Variants in ZNF511 observed in about 807,000 individuals in gnomAD.
The protein encoded by ZNF511 is zinc finger protein 511.
In ZNF511, 26 loss-of-function variants were observed where a neutral mutation model predicts 24.8. The ratio of observed to expected loss-of-function variants is 1.05; its 90% CI spans 0.77 to 1.46. The LOEUF (loss-of-function observed/expected upper bound fraction) is 1.46, where lower values mean the gene tolerates loss of function less well. Ranked by LOEUF, ZNF511 falls within the 40% of genes most tolerant of loss-of-function variation. ZNF511 has a pLI of 0.00. For synonymous variants in ZNF511, 144 were observed against 139.6 expected (o/e 1.03, Z -0.22); for missense variants, 358 against 345.0 (o/e 1.04, Z -0.30).
chr10:133,310,319 G>A (rs1305984655), intron 4 of ZNF511, 31 bp downstream of exon 4: 1 of 1,611,862 alleles, frequency 6.2e-7, no homozygotes, highest in East Asian at 2.2e-5. Context: ...GCACGTGTCT[G>A]CTTTTGATTT....
Position 133,309,434 on chromosome 10 carries a change from G to A in ZNF511, c.198G>A (p.Met66Ile). 4 of 1,612,614 alleles carry A rather than the reference G, an allele frequency of 2.5e-6. No homozygotes were observed. Among genetic ancestry groups the A allele is most frequent in the Non-Finnish European group, 3.4e-6 (4 of 1,179,782 alleles). The change falls in exon 2 of 6, where the codon ATG becomes ATA. Residue 66 changes from methionine to isoleucine, a missense_variant. Coordinates refer to ENST00000361518, the MANE Select transcript of ZNF511 (RefSeq NM_145806.4). ...QRHLYLQDVIMQVADVPEKPR... is the reference protein window; with the variant it reads ...QRHLYLQDVIIQVADVPEKPR... The stretch of plus-strand genomic sequence containing the variant: ...ACCTCTACCTCCAGGACGTGATCAT[G>A]CAGGTGGCCGACGTGCCTGAGAAGC...
rs567026204 is a variant in ZNF511 at position 133,309,437 on chromosome 10, G to C, written c.201G>C (p.Gln67His). The C allele has an allele frequency of 6.2e-7, 1 of 1,612,634 alleles. No homozygotes were observed. The highest frequency in any genetic ancestry group is 1.7e-4 in the Middle Eastern group (1 of 6,046). Residue 67 changes from glutamine to histidine, a missense_variant, in exon 2 of 6, where the codon CAG becomes CAC. Physicochemically the swap from Gln to His is conservative, Grantham distance 24. Coordinates refer to ENST00000361518, the MANE Select transcript of ZNF511 (RefSeq NM_145806.4). ...TCTACCTCCAGGACGTGATCATGCA[G>C]GTGGCCGACGTGCCTGAGAAGCCCA... ...RHLYLQDVIM[Q>H]VADVPEKPRV...
At position 133,312,826 on chromosome 10, in the gene ZNF511, G is replaced by A. The variant is rs781561702; in HGVS notation, c.719G>A (p.Arg240Gln). The change falls in exon 6 of 6, where the codon CGA (arginine) becomes CAA (glutamine). Residue 240 changes from arginine to glutamine, a missense_variant. Transcript: ENST00000361518. ...STICFGQGAARGFKSNKKKTK... is the reference protein window; with the variant it reads ...STICFGQGAAQGFKSNKKKTK... ...ATCTGCTTTGGTCAGGGTGCCGCTC[G>A]AGGATTTAAAAGCAACAAGAAGAAA... The A allele has an allele frequency of 2.5e-5, 40 of 1,614,102 alleles. No homozygotes were observed. The highest frequency in any genetic ancestry group is 3.3e-5 in the Non-Finnish European group (39 of 1,180,056).
At chr10:133,311,530 C>T (rs1014175669) in intron 4 of ZNF511, 186 bp from the exon 5 acceptor site, 23 of 580,974 alleles carry the variant, frequency 4.0e-5, no homozygotes, top group African/African-American at 3.5e-4. Context: ...TAAACAATGG[C>T]CTTGCTGTAA....
chr10:133,310,367 G>A (rs1847963579), intron 4 of ZNF511, 79 bp downstream of exon 4: 1 of 1,574,716 alleles, frequency 6.4e-7, no homozygotes, highest in Non-Finnish European at 8.6e-7. Context: ...TGCATAGACG[G>A]TCAGACTTAT....
At chr10:133,311,630 A>T in intron 4 of ZNF511, 86 bp from the exon 5 acceptor site, 1 of 1,170,038 alleles carries the variant, frequency 8.5e-7, no homozygotes, top group Non-Finnish European at 1.2e-6. Flanking sequence ...AGGGAAATCC[A>T]GTTTCTTTCT....
At position 133,309,074 on chromosome 10, in the gene ZNF511, C is replaced by T; in HGVS notation, c.131C>T (p.Pro44Leu). The T allele has an allele frequency of 7.7e-7, 1 of 1,301,854 alleles. No individual in the cohort carries two copies. Among genetic ancestry groups the T allele is most frequent in the Non-Finnish European group, 9.8e-7 (1 of 1,020,452 alleles). The allele number at this position is 1,301,854 out of a possible 1,614,324, so 80.6% of individuals were successfully genotyped here. A position where few individuals can be genotyped will look rare whatever the true frequency, so the allele number is the denominator to read the frequency against. Residue 44 changes from proline to leucine, a missense_variant, in exon 1 of 6, where the codon CCG (proline) becomes CTG (leucine). Transcript: ENST00000361518. ...TTCGTTGCGCGCCCCGTGCGCTTCC[C>T]GCGGGAGCACCAGTTCTTCGAGGTG... Reference protein sequence around the residue: ...FRFVARPVRFPREHQFFEDGD... With the variant: ...FRFVARPVRFLREHQFFEDGD...
At position 133,312,769 on chromosome 10, in the gene ZNF511, A is replaced by T; in HGVS notation, c.681-19A>T. On this transcript the variant is annotated intron_variant, in intron 5 of 5. Coordinates refer to ENST00000361518, the MANE Select transcript of ZNF511 (RefSeq NM_145806.4). ...GGTTGGCAAATACAGCATCTAATAGAAACTTTCTTCCATCCCAGAATACCC... is the reference window on the plus strand; with the variant it reads ...GGTTGGCAAATACAGCATCTAATAGTAACTTTCTTCCATCCCAGAATACCC... 1 of 1,614,192 alleles carries T rather than the reference A, an allele frequency of 6.2e-7. No homozygotes were observed. The highest frequency in any genetic ancestry group is 8.5e-7 in the Non-Finnish European group (1 of 1,180,008).
rs559250956 is a variant in ZNF511, at chr10:133,311,163, A to G, written c.555-553A>G. ...TTTAACTGATGAGGTGAACTTTCAT[A>G]ATCATCTACAATTTTATTGATCAGA... On this transcript the variant is annotated intron_variant, in intron 4 of 5. Transcript: ENST00000361518. Among the ~76,000 whole-genome samples the G allele has an allele frequency of 5.3e-5, 8 of 152,330 alleles. No homozygotes were observed. The East Asian group carries it at 1.5e-3, about 29-fold the overall frequency.
At chr10:133,310,614 C>T (rs1006590040) in intron 4 of ZNF511, 39 of 349,960 alleles carry the variant, frequency 1.1e-4, no homozygotes, top group African/African-American at 6.9e-4. Context: ...AGCAGTCGGC[C>T]GTGGTCATCC....
intron 5 of ZNF511, chr10:133,312,162 A>ATCACCTGTGCCATCTGCGTTTCTAGCG: frequency 1.5e-6 from 2 of 1,335,908 alleles, no homozygotes; most frequent in Non-Finnish European, 2.0e-6. Flanking sequence ...CCTTAATAGC[A>ATCACCTGTGCCATCTGCGTTTCTAGCG]TCACCTGTGC....
Position 133,312,792 on chromosome 10 carries a change from C to G in ZNF511, c.685C>G (p.Pro229Ala), listed in dbSNP as rs1195704777. 1 of 1,614,250 alleles carries G rather than the reference C, an allele frequency of 6.2e-7. No individual in the cohort carries two copies. Residue 229 changes from proline (P) to alanine (A), a missense_variant, in exon 6 of 6, where the codon CCC becomes GCC. Physicochemically the swap from Pro to Ala is conservative, Grantham distance 27 (BLOSUM62 -1). Transcript: ENST00000361518. ...AGAAACTTTCTTCCATCCCAGAATA[C>G]CCTCTACCATCTGCTTTGGTCAGGG... is the stretch of plus-strand genomic sequence containing the variant. ...GERRIYRHRI[P>A]STICFGQGAA...
intron 5 of ZNF511, chr10:133,312,103 A>G: frequency 1.4e-6 from 2 of 1,447,034 alleles, no homozygotes; most frequent in East Asian, 2.5e-5. Flanking sequence ...TCTGAGTGGG[A>G]TGGAAAGAGT....
chr10:133,310,973 T>C (rs913536569), intron 4 of ZNF511, among the ~76,000 whole-genome samples: 5 of 152,186 alleles, frequency 3.3e-5, no homozygotes, highest in African/African-American at 1.2e-4. Context: ...GGCAAAATTT[T>C]CTATTTTTTG....
intron 5 of ZNF511, chr10:133,312,051 T>C (rs1848002734): frequency 2.7e-6 from 4 of 1,487,396 alleles, no homozygotes; most frequent in East Asian, 2.5e-5. Context: ...TTTGAGCCAT[T>C]GAAGCGCAGG....
Position 133,312,608 on chromosome 10 carries a change from C to T in ZNF511, c.681-180C>T, listed in dbSNP as rs1336679545. ...TGCGTTGGTGGCTGGCGGGGACCCC[C>T]CACAGGAACTAGGTCTCAGGCTGTG... is the stretch of plus-strand genomic sequence containing the variant. On this transcript the variant is annotated intron_variant, in intron 5 of 5. Transcript: ENST00000361518. 2.7e-6 allele frequency: 4 copies of T among 1,490,536 alleles called. No homozygotes were observed. In the African/African-American group the frequency reaches 5.6e-5, roughly 21 times the overall value. 92.3% of individuals were successfully genotyped at this position (1,490,536 alleles called of 1,614,324 possible). A position where few individuals can be genotyped will look rare whatever the true frequency, so the allele number is the denominator to read the frequency against.
At chr10:133,312,228 G>A (rs184130968) in intron 5 of ZNF511, 13 of 1,376,040 alleles carry the variant, frequency 9.4e-6, no homozygotes, top group African/African-American at 2.9e-5. Context: ...CACCTGTGCC[G>A]TCTGCCTTCC....
chr10:133,312,508 T>C (rs1409279558), intron 5 of ZNF511: 5 of 1,322,176 alleles, frequency 3.8e-6, no homozygotes, highest in Middle Eastern at 5.8e-4. Flanking sequence ...GGAATGGACA[T>C]GGGGTAGCAG....
At chr10:133,310,001 C>T (rs1487441059) in intron 3 of ZNF511, 24 bp downstream of exon 3, 2 of 1,611,696 alleles carry the variant, frequency 1.2e-6, no homozygotes, top group Admixed American at 1.7e-5. Flanking sequence ...GCACAGCCGC[C>T]GAGGCCACCC....
Sources: allele counts gnomAD v4.1 joint callset (sites outside exome capture counted in the v4.1 genomes callset), GRCh38; gene constraint gnomAD v4.1.1; transcripts MANE v1.5; gene names NCBI Gene and HGNC (gene_info 2026-07-23, HGNC 2026-07-21).